The following PIK3R1 variants were observed in gnomAD, a reference collection of about 807,000 sequenced individuals.
PIK3R1 encodes phosphoinositide-3-kinase regulatory subunit 1.
Under a neutral mutation model 98.0 loss-of-function variants are expected in PIK3R1, and 29 were observed. The ratio of observed to expected loss-of-function variants is 0.30; its 90% CI spans 0.22 to 0.40. PIK3R1 has a LOEUF of 0.40. PIK3R1 is among the 10% of genes least tolerant of loss of function. PIK3R1 has a pLI of 1.00. For missense variants in PIK3R1, 596 were observed against 872.7 expected, an observed-to-expected ratio of 0.68 and a Z score of 3.99; for synonymous variants, 282 against 311.8, an observed-to-expected ratio of 0.90 and a Z score of 1.01.
In PIK3R1 at chr5:68,226,964, G is replaced by C. The variant is rs370324792; in HGVS notation, c.289G>C (p.Val97Leu). The C allele has an allele frequency of 6.2e-7, 1 of 1,613,478 alleles. No homozygotes were observed. The highest frequency in any genetic ancestry group is 8.5e-7 in the Non-Finnish European group (1 of 1,179,778). The change falls in exon 2 of 16, where the codon GTT becomes CTT. Residue 97 changes from valine to leucine, a missense_variant. By Grantham distance (32) the Val-to-Leu change is conservative (BLOSUM62 1). Transcript: ENST00000521381. The part of the protein sequence containing the change: ...PKPRPPRPLP[V>L]APGSSKTEAD... ...GCCCCGGCCACCTCGGCCTCTTCCT[G>C]TTGCACCAGGTTCTTCGAAAACTGA...
intron 1 of PIK3R1, among the ~76,000 whole-genome samples, chr5:68,225,408 G>A (rs558380090): frequency 2.0e-5 from 3 of 152,234 alleles, no homozygotes; most frequent in South Asian, 2.1e-4. Context: ...CAGAATCACC[G>A]TCAGCCCATC....
chr5:68,223,525 G>C (rs1313550624), intron 1 of PIK3R1, among the ~76,000 whole-genome samples: 1 of 152,152 alleles, frequency 6.6e-6, no homozygotes. Context: ...GAAATGGTGT[G>C]TTCTATTTAC....
At chr5:68,272,003 C>A (rs1176103758) in intron 2 of PIK3R1, among the ~76,000 whole-genome samples, 1 of 152,038 alleles carries the variant, frequency 6.6e-6, no homozygotes, top group African/African-American at 2.4e-5. Context: ...GTAATCCCAG[C>A]ATTTTGAGAG....
chr5:68,224,816 A>G lies in PIK3R1; in HGVS notation c.-386-1474A>G, dbSNP rs552498775. On this transcript the variant is annotated intron_variant, in intron 1 of 15. Coordinates refer to ENST00000521381, the MANE Select transcript of PIK3R1 (RefSeq NM_181523.3). ...TGGAGTACAAAGTGTATATGTGTACATGCCGTTCTCAGCCATCTACTCTGA... is the reference window on the plus strand; with the variant it reads ...TGGAGTACAAAGTGTATATGTGTACGTGCCGTTCTCAGCCATCTACTCTGA... 5.9e-5 allele frequency among the ~76,000 whole-genome samples: 9 copies of G among 152,374 alleles called. 1 individual carries two copies. The highest frequency in any genetic ancestry group is 2.2e-4 in the African/African-American group (9 of 41,588).
At chr5:68,292,395 T>G (rs1173378919) in intron 8 of PIK3R1, 34 bp downstream of exon 8, 2 of 1,546,496 alleles carry the variant, frequency 1.3e-6, no homozygotes, top group African/African-American at 2.7e-5. Flanking sequence ...TCAGAGAGTT[T>G]TAGATTAAAA....
At chr5:68,263,978 T>TA (rs1746015467) in intron 2 of PIK3R1, among the ~76,000 whole-genome samples, 1 of 152,186 alleles carries the variant, frequency 6.6e-6, no homozygotes, top group South Asian at 2.1e-4. Context: ...TATATATTTT[T>TA]AAAAAGTGAT....
chr5:68,227,135 G>T, intron 2 of PIK3R1, 126 bp downstream of exon 2: 1 of 761,064 alleles, frequency 1.3e-6, no homozygotes, highest in Non-Finnish European at 2.1e-6. Context: ...CTGAATTGAT[G>T]TGTGGTGCAT....
At chr5:68,266,236 A>G (rs1295908080) in intron 2 of PIK3R1, among the ~76,000 whole-genome samples, 3 of 152,042 alleles carry the variant, frequency 2.0e-5, no homozygotes, top group East Asian at 1.9e-4. Context: ...ACATTTTACA[A>G]CTCTGCTTTA....
chr5:68,260,328 A>G (rs1745689471), intron 2 of PIK3R1, among the ~76,000 whole-genome samples: 2 of 152,096 alleles, frequency 1.3e-5, no homozygotes, highest in South Asian at 2.1e-4. Context: ...TGTCTGTTTT[A>G]TCCCTGTCAC....
chr5:68,242,896 C>G (rs1744923964), intron 2 of PIK3R1, among the ~76,000 whole-genome samples: 1 of 152,156 alleles, frequency 6.6e-6, no homozygotes, highest in African/African-American at 2.4e-5. Context: ...AATTTGCTGA[C>G]CCCCATCTCA....
At chr5:68,232,485 C>T (rs1277296545) in intron 2 of PIK3R1, among the ~76,000 whole-genome samples, 1 of 152,176 alleles carries the variant, frequency 6.6e-6, no homozygotes, top group African/African-American at 2.4e-5. Context: ...AGTAGGGAGG[C>T]TCTCTTACCC....
At position 68,300,631 on chromosome 5, in the gene PIK3R1, T is replaced by C. The variant is rs1747988390; in HGVS notation, c.*3030T>C. The C allele has an allele frequency of 4.3e-6, 1 of 233,156 alleles. No homozygotes were observed. The highest frequency in any genetic ancestry group is 8.5e-6 in the Non-Finnish European group (1 of 118,056). 14.4% of individuals were successfully genotyped at this position (233,156 alleles called of 1,614,324 possible). ...TCATGGCCTTTGATAAATGTATATATGTATATGTGCATGGACTGTGTTTCC... is the reference window on the plus strand; with the variant it reads ...TCATGGCCTTTGATAAATGTATATACGTATATGTGCATGGACTGTGTTTCC... On this transcript the variant is annotated 3_prime_UTR_variant, in exon 16 of 16. Coordinates refer to ENST00000521381, the MANE Select transcript of PIK3R1 (RefSeq NM_181523.3).
intron 10 of PIK3R1, 111 bp downstream of exon 10, chr5:68,293,594 G>C: frequency 8.5e-7 from 1 of 1,178,526 alleles, no homozygotes; most frequent in Non-Finnish European, 1.2e-6. Flanking sequence ...TAAAAAACTT[G>C]ACACTCGTAA....
intron 2 of PIK3R1, among the ~76,000 whole-genome samples, chr5:68,260,688 A>T (rs1237440946): frequency 6.6e-6 from 1 of 152,176 alleles, no homozygotes; most frequent in East Asian, 1.9e-4. Context: ...TCATGACTCA[A>T]GGAAATAACC....
At chr5:68,244,580 T>G (rs1354724868) in intron 2 of PIK3R1, among the ~76,000 whole-genome samples, 5 of 129,244 alleles carry the variant, frequency 3.9e-5, no homozygotes, top group African/African-American at 1.5e-4. Flanking sequence ...AAACTTCTGC[T>G]CTGGACCTCA....
At chr5:68,261,498 T>C (rs1745745419) in intron 2 of PIK3R1, among the ~76,000 whole-genome samples, 1 of 151,968 alleles carries the variant, frequency 6.6e-6, no homozygotes, top group African/African-American at 2.4e-5. Flanking sequence ...TAATCAATAC[T>C]CTTTTAAAAA....
At chr5:68,282,791 T>C (rs1206890973) in intron 7 of PIK3R1, among the ~76,000 whole-genome samples, 1 of 152,226 alleles carries the variant, frequency 6.6e-6, no homozygotes, top group Non-Finnish European at 1.5e-5. Context: ...GACAAAGCCT[T>C]GAACATTTGC....
At chr5:68,296,409 G>T in intron 15 of PIK3R1, 68 bp downstream of exon 15, 1 of 1,409,452 alleles carries the variant, frequency 7.1e-7, no homozygotes, top group Non-Finnish European at 9.8e-7. Flanking sequence ...TTCATTCATT[G>T]AGTTTTGGGG....
chr5:68,280,441 G>A (rs2112193228), intron 5 of PIK3R1, 87 bp from the exon 6 acceptor site: 1 of 903,550 alleles, frequency 1.1e-6, no homozygotes, highest in South Asian at 1.5e-5. Flanking sequence ...CTTGAAGAAA[G>A]AGCAGAACTT....
Sources: gnomAD v4.1 joint callset for allele counts (sites outside exome capture counted in the v4.1 genomes callset) on GRCh38, gnomAD v4.1.1 for gene constraint, MANE v1.5 for transcripts, NCBI Gene and HGNC (gene_info 2026-07-23, HGNC 2026-07-21) for gene names.